The following TMEM232 variants were observed in gnomAD, a reference collection of about 807,000 sequenced individuals.
TMEM232 encodes transmembrane protein 232.
TMEM232 carries 80 observed loss-of-function variants against 78.8 expected under a neutral mutation model. The observed-to-expected ratio is 1.01, with a 90% CI of 0.85 to 1.22. The LOEUF (loss-of-function observed/expected upper bound fraction) is 1.22, where lower values mean the gene tolerates loss of function less well. Among genes scored for constraint, TMEM232 ranks in the 50% most tolerant of loss-of-function variants. TMEM232 has a pLI of 0.00. For synonymous variants in TMEM232, 297 were observed against 254.3 expected (o/e 1.17, Z -1.60); for missense variants, 881 against 742.2 (o/e 1.19, Z -2.17).
intron 1 of TMEM232, among the ~76,000 whole-genome samples, chr5:110,695,524 T>A (rs1184858763): frequency 6.6e-6 from 1 of 152,014 alleles, no homozygotes; most frequent in Non-Finnish European, 1.5e-5. Context: ...GCTGGTTTTT[T>A]GAAAAGATCA....
At chr5:110,711,545 C>G (rs1272699557) in intron 1 of TMEM232, among the ~76,000 whole-genome samples, 1 of 152,100 alleles carries the variant, frequency 6.6e-6, no homozygotes, top group Non-Finnish European at 1.5e-5. Flanking sequence ...TCAAATTATA[C>G]TATAGGAACC....
At chr5:110,583,014 A>C (rs1487957692) in intron 10 of TMEM232, among the ~76,000 whole-genome samples, 5 of 152,008 alleles carry the variant, frequency 3.3e-5, no homozygotes, top group Admixed American at 3.3e-4. Context: ...AATGAGACAC[A>C]AATGAAAAGA....
intron 1 of TMEM232, among the ~76,000 whole-genome samples, chr5:110,690,495 G>C (rs1289639140): frequency 1.3e-5 from 2 of 152,174 alleles, no homozygotes; most frequent in African/African-American, 4.8e-5. Flanking sequence ...AGAGGATGTG[G>C]AGAAATAGGA....
intron 7 of TMEM232, among the ~76,000 whole-genome samples, chr5:110,618,886 C>T (rs552414277): frequency 6.6e-6 from 1 of 152,252 alleles, no homozygotes; most frequent in African/African-American, 2.4e-5. Context: ...TGACTTAGTT[C>T]TCCCTGACAC....
chr5:110,480,993 T>A (rs565201111), intron 12 of TMEM232, among the ~76,000 whole-genome samples: 2 of 152,176 alleles, frequency 1.3e-5, no homozygotes, highest in Non-Finnish European at 2.9e-5. Context: ...TGTATCTAGT[T>A]AATAGGCTTG....
At chr5:110,588,824 T>G (rs1779162565) in intron 10 of TMEM232, among the ~76,000 whole-genome samples, 1 of 152,162 alleles carries the variant, frequency 6.6e-6, no homozygotes, top group African/African-American at 2.4e-5. Context: ...GTGCATTAGA[T>G]GAGTGCTGTA....
chr5:110,652,698 A>G (rs1788507471), intron 2 of TMEM232, among the ~76,000 whole-genome samples: 1 of 152,214 alleles, frequency 6.6e-6, no homozygotes, highest in Admixed American at 6.5e-5. Flanking sequence ...AATAGACATT[A>G]TTGTAAAAAT....
chr5:110,725,819 T>C (rs908431429), intron 1 of TMEM232: 4 of 152,098 alleles, frequency 2.6e-5, no homozygotes, highest in Non-Finnish European at 4.4e-5. Context: ...TAAAAGACAA[T>C]TTCTGAAAAA....
intron 1 of TMEM232, among the ~76,000 whole-genome samples, chr5:110,680,836 A>G (rs1489436566): frequency 6.6e-6 from 1 of 152,176 alleles, no homozygotes; most frequent in Non-Finnish European, 1.5e-5. Flanking sequence ...GGGAAAAAGA[A>G]AGTAAAATCA....
At position 110,533,155 on chromosome 5, in the gene TMEM232, G is replaced by A. The variant is rs62376083; in HGVS notation, c.1456-4320C>T. On this transcript the variant is annotated intron_variant, in intron 11 of 13. Coordinates refer to ENST00000455884, the MANE Select transcript of TMEM232 (RefSeq NM_001039763.4). The stretch of plus-strand genomic sequence containing the variant: ...GCCTCTCTTTGCTTTCACCTGGACT[G>A]ACCCTGACATCCATCAGTCCCAGCA... 8.8e-3 allele frequency among the ~76,000 whole-genome samples: 1,335 copies of A among 152,220 alleles called. 16 individuals carry two copies. Among genetic ancestry groups the A allele is most frequent in the Non-Finnish European group, 0.015 (988 of 68,020 alleles).
At chr5:110,393,164 CAATT>C (rs1435153453) in intron 3 of TMEM232, among the ~76,000 whole-genome samples, 1 of 152,130 alleles carries the variant, frequency 6.6e-6, no homozygotes, top group East Asian at 1.9e-4. Context: ...CTAGAAATGT[CAATT>C]AGGTGAAGTT....
intron 10 of TMEM232, among the ~76,000 whole-genome samples, chr5:110,589,538 G>A (rs1779252870): frequency 6.6e-6 from 1 of 152,174 alleles, no homozygotes; most frequent in South Asian, 2.1e-4. Flanking sequence ...TAGGGAGGCA[G>A]TTATTAGTAT....
At chr5:110,594,014 C>A (rs148844531) in intron 10 of TMEM232, among the ~76,000 whole-genome samples, 24 of 152,084 alleles carry the variant, frequency 1.6e-4, no homozygotes, top group African/African-American at 5.8e-4. Context: ...GGGAGTCTGG[C>A]AAGATGGCCG....
In TMEM232 at chr5:110,544,462, CT is replaced by C. The variant is rs1360856401; in HGVS notation, c.1456-15628del. ...ATATCAAAAAAAAAAAAAAAAAAGC[CT>C]TTACAAAGTTCTGAATTTACCACCA... On this transcript the variant is annotated intron_variant, in intron 11 of 13. Transcript: ENST00000455884. 2.1e-5 allele frequency among the ~76,000 whole-genome samples: 3 copies of C among 145,244 alleles called. No individual in the cohort carries two copies. The East Asian group carries it at 5.9e-4, about 29-fold the overall frequency.
chr5:110,629,292 A>T (rs1454519219), intron 5 of TMEM232, among the ~76,000 whole-genome samples: 1 of 152,242 alleles, frequency 6.6e-6, no homozygotes, highest in South Asian at 2.1e-4. Context: ...AAAATACATG[A>T]CAAGCATGTC....
At chr5:110,675,124 CA>C (rs1791861064) in intron 1 of TMEM232, among the ~76,000 whole-genome samples, 1 of 152,148 alleles carries the variant, frequency 6.6e-6, no homozygotes, top group Non-Finnish European at 1.5e-5. Flanking sequence ...CGGCTCACTG[CA>C]ACCTCCACCT....
chr5:110,696,739 T>C (rs912319514), intron 1 of TMEM232, among the ~76,000 whole-genome samples: 9 of 152,020 alleles, frequency 5.9e-5, no homozygotes, highest in South Asian at 2.1e-4. Context: ...ATCCAACTTA[T>C]AAGGGATGGG....
chr5:110,496,398 G>A lies in TMEM232; in HGVS notation c.1703+32190C>T, dbSNP rs531677185. On this transcript the variant is annotated intron_variant, in intron 12 of 13. Transcript: ENST00000455884. Reference sequence around the variant, plus strand: ...ATCTAGATTTTGAAATTAGAATAACGTAATTTTCATATCTGTAATGTCTTA... The same window carrying A: ...ATCTAGATTTTGAAATTAGAATAACATAATTTTCATATCTGTAATGTCTTA... Among the ~76,000 whole-genome samples the A allele has an allele frequency of 3.8e-4, 57 of 151,974 alleles. 1 individual carries two copies. The highest frequency in any genetic ancestry group is 1.1e-3 in the African/African-American group (46 of 41,488).
intron 12 of TMEM232, chr5:110,429,852 G>T (rs1757635730): frequency 6.6e-6 from 1 of 151,716 alleles, no homozygotes; most frequent in East Asian, 1.9e-4. Context: ...AACACAACTT[G>T]TTCTAATTAA....
Sources: gnomAD v4.1 joint callset for allele counts (sites outside exome capture counted in the v4.1 genomes callset) on GRCh38, gnomAD v4.1.1 for gene constraint, MANE v1.5 for transcripts, NCBI Gene and HGNC (gene_info 2026-07-23, HGNC 2026-07-21) for gene names.